Variants in PODXL2 observed in about 807,000 individuals in gnomAD.
The protein encoded by PODXL2 is podocalyxin like 2, also known as podocalyxin-like protein 2.
In PODXL2, 17 loss-of-function variants were observed where a neutral mutation model predicts 53.4. The observed-to-expected ratio is 0.32, with a 90% CI of 0.22 to 0.48. PODXL2 has a LOEUF of 0.48. Ranked by LOEUF, PODXL2 falls within the 20% of genes least tolerant of loss-of-function variation. PODXL2 has a pLI of 0.99. For missense variants in PODXL2, 673 were observed against 760.0 expected (o/e 0.89, Z 1.35); for synonymous variants, 311 against 306.7 (o/e 1.01, Z -0.15).
rs988325770 is a variant in PODXL2 at position 127,648,787 on chromosome 3, CTTTTTTTTTTTTT to C, written c.349+9275_349+9287del. Among the ~76,000 whole-genome samples, 294 of 97,860 alleles carry C rather than the reference CTTTTTTTTTTTTT, an allele frequency of 3.0e-3. 1 individual carries two copies. Among genetic ancestry groups the C allele is most frequent in the Non-Finnish European group, 4.2e-3 (204 of 48,452 alleles). 64.2% of individuals were successfully genotyped at this position (97,860 alleles called of 152,430 possible). A position where few individuals can be genotyped will look rare whatever the true frequency, so the allele number is the denominator to read the frequency against. The stretch of plus-strand genomic sequence containing the variant: ...CTATGCCCAGCTAATTTTTGTATTT[CTTTTTTTTTTTTT>C]TTTTTTTTTTGAGACGGAGTCTTGC... On this transcript the variant is annotated intron_variant, in intron 2 of 7. Transcript: ENST00000342480.
intron 1 of PODXL2, 82 bp from the exon 2 acceptor site, chr3:127,639,163 C>A: frequency 7.2e-7 from 1 of 1,392,124 alleles, no homozygotes; most frequent in Non-Finnish European, 9.7e-7. Context: ...GGACCTTTGT[C>A]ATTTGAGACA....
chr3:127,639,078 AT>A (rs2074596845), intron 1 of PODXL2, among the ~76,000 whole-genome samples, 166 bp from the exon 2 acceptor site: 1 of 152,230 alleles, frequency 6.6e-6, no homozygotes, highest in Non-Finnish European at 1.5e-5. Context: ...CCTTTTTGAA[AT>A]GAAAATAGTG....
intron 4 of PODXL2, among the ~76,000 whole-genome samples, chr3:127,664,785 C>G (rs557523707): frequency 4.6e-5 from 7 of 152,016 alleles, no homozygotes; most frequent in African/African-American, 1.7e-4. Context: ...TTGCACCAAC[C>G]TAAATGGTCT....
rs1404924663 is a variant in PODXL2, at chr3:127,672,728, C to A, written c.*248C>A. The A allele has an allele frequency of 7.2e-6, 3 of 414,924 alleles. No homozygotes were observed. The highest frequency in any genetic ancestry group is 1.3e-5 in the Non-Finnish European group (3 of 239,018). The allele number at this position is 414,924 out of a possible 1,614,324, so 25.7% of individuals were successfully genotyped here. ...GCTTTCCCGCCCCTGAACCCCGGCC[C>A]CGCGGGCGGCGGGCGGCGCTTCCTG... On this transcript the variant is annotated 3_prime_UTR_variant, in exon 8 of 8. Transcript: ENST00000342480.
intron 2 of PODXL2, among the ~76,000 whole-genome samples, chr3:127,653,377 G>A (rs575382005): frequency 2.0e-5 from 3 of 152,270 alleles, no homozygotes; most frequent in South Asian, 2.1e-4. Context: ...CCGGGTGCAG[G>A]GGCTCTCTCC....
chr3:127,671,889 C>CACCTGAAT (rs1559881098), intron 7 of PODXL2, among the ~76,000 whole-genome samples: 3 of 152,204 alleles, frequency 2.0e-5, no homozygotes, highest in Admixed American at 6.5e-5. Context: ...AGGGCCTGAG[C>CACCTGAAT]ACCTGAATAC....
chr3:127,629,205 G>C lies in PODXL2; in HGVS notation c.-15G>C. On this transcript the variant is annotated 5_prime_UTR_variant, in exon 1 of 8. Transcript: ENST00000342480. This position sits in a 1 kb window ranked among gnomAD's most constrained non-coding sequence, Gnocchi z 6.4. ...GCGCCGCGCCGCTGCGGCTGCAGGC[G>C]GCGACGGCTACACCATGGGCCGGCT... is the stretch of plus-strand genomic sequence containing the variant. The C allele has an allele frequency of 1.9e-5, 19 of 986,544 alleles. No individual in the cohort carries two copies. The highest frequency in any genetic ancestry group is 2.2e-5 in the Non-Finnish European group (18 of 831,870). The allele number at this position is 986,544 out of a possible 1,614,324, so 61.1% of individuals were successfully genotyped here.
intron 2 of PODXL2, among the ~76,000 whole-genome samples, chr3:127,648,364 T>C (rs1210171881): frequency 6.6e-6 from 1 of 152,212 alleles, no homozygotes; most frequent in African/African-American, 2.4e-5. Context: ...GATTTGACCT[T>C]CTGGGTCATT....
chr3:127,640,378 A>G (rs918242872), intron 2 of PODXL2, among the ~76,000 whole-genome samples: 3 of 152,218 alleles, frequency 2.0e-5, no homozygotes, highest in Non-Finnish European at 2.9e-5. Context: ...AACATTGTAG[A>G]AAATCTGAAA....
intron 4 of PODXL2, 74 bp from the exon 5 acceptor site, chr3:127,668,367 T>A: frequency 1.5e-6 from 2 of 1,339,494 alleles, no homozygotes; most frequent in South Asian, 1.8e-5. Flanking sequence ...AGTACGGGGC[T>A]GGGCCTAGAG....
intron 1 of PODXL2, among the ~76,000 whole-genome samples, chr3:127,630,051 G>T (rs2074533430): frequency 1.3e-5 from 2 of 152,162 alleles, no homozygotes; most frequent in African/African-American, 4.8e-5. Context: ...AAAGGGATGT[G>T]TCTGCCTGAG....
At position 127,639,339 on chromosome 3, in the gene PODXL2, C is replaced by T. The variant is rs1433941093; in HGVS notation, c.165C>T (p.Gly55=). The part of the protein sequence containing the change: ...TSLLDLLLPT[G]LEPLDSEEPS... ...TGCTAGACCTCCTGCTGCCCACTGG[C>T]TTGGAGCCACTGGACTCAGAGGAGC... The change falls in exon 2 of 8, where the codon GGC becomes GGT. Residue 55 remains glycine (G), a synonymous_variant. Coordinates refer to ENST00000342480, the MANE Select transcript of PODXL2 (RefSeq NM_015720.4). The T allele has an allele frequency of 1.2e-6, 2 of 1,614,046 alleles. No homozygotes were observed. Among genetic ancestry groups the T allele is most frequent in the East Asian group, 2.2e-5 (1 of 44,890 alleles).
Position 127,661,041 on chromosome 3 carries a change from C to T in PODXL2, c.1013C>T (p.Pro338Leu). 4 of 1,614,252 alleles carry T rather than the reference C, an allele frequency of 2.5e-6. No individual in the cohort carries two copies. Among genetic ancestry groups the T allele is most frequent in the Non-Finnish European group, 3.4e-6 (4 of 1,180,044 alleles). The change falls in exon 3 of 8, where the codon CCT becomes CTT. Residue 338 changes from proline (P) to leucine (L), a missense_variant. Transcript: ENST00000342480. ...SRTSASSPLA[P>L]GDMELTPSSA... ...ACCTCAGCCTCTTCCCCACTGGCCC[C>T]TGGAGACATGGAACTGACACCTTCC...
In PODXL2 at chr3:127,642,504, T is replaced by G. The variant is rs72965779; in HGVS notation, c.349+2981T>G. Among the ~76,000 whole-genome samples the G allele has an allele frequency of 9.6e-3, 1,465 of 151,872 alleles. 31 individuals are homozygous for G. Among genetic ancestry groups the G allele is most frequent in the African/African-American group, 0.033 (1,355 of 41,360 alleles). On this transcript the variant is annotated intron_variant, in intron 2 of 7. Coordinates refer to ENST00000342480, the MANE Select transcript of PODXL2 (RefSeq NM_015720.4). ...GAGTGCTTACCATCTCTAGGCACAG[T>G]GAGACCAGGGAAGGGATGAAGATGG... is the stretch of plus-strand genomic sequence containing the variant.
chr3:127,642,989 T>C (rs2074630296), intron 2 of PODXL2, among the ~76,000 whole-genome samples: 1 of 152,226 alleles, frequency 6.6e-6, no homozygotes, highest in Non-Finnish European at 1.5e-5. Context: ...CTCAGCTCAG[T>C]GCTTGGCACA....
intron 1 of PODXL2, among the ~76,000 whole-genome samples, chr3:127,636,321 G>A (rs530842163): frequency 2.9e-4 from 44 of 152,216 alleles, no homozygotes; most frequent in Non-Finnish European, 5.9e-4. Context: ...TATAATATTC[G>A]GGCTAGGAAA....
chr3:127,671,301 A>ACTT, intron 6 of PODXL2, 133 bp from the exon 7 acceptor site: 1 of 755,898 alleles, frequency 1.3e-6, no homozygotes. Flanking sequence ...GCGCCAGGGA[A>ACTT]CTTCAGGAGC....
chr3:127,668,648 C>A, intron 5 of PODXL2, 51 bp downstream of exon 5: 1 of 1,430,084 alleles, frequency 7.0e-7, no homozygotes, highest in Non-Finnish European at 9.2e-7. Context: ...GGGAGGCGGG[C>A]GGCCCCTGAG....
intron 2 of PODXL2, among the ~76,000 whole-genome samples, chr3:127,643,618 T>A (rs1223048151): frequency 2.0e-5 from 3 of 152,162 alleles, no homozygotes; most frequent in Non-Finnish European, 2.9e-5. Flanking sequence ...TCTTTTTTTT[T>A]AATGTAAATT....
Sources: allele counts gnomAD v4.1 joint callset (sites outside exome capture counted in the v4.1 genomes callset), GRCh38; gene constraint gnomAD v4.1.1; non-coding constraint Gnocchi (gnomAD v3.1); transcripts MANE v1.5; gene names NCBI Gene and HGNC (gene_info 2026-07-23, HGNC 2026-07-21).